ZNF469: variants seen among roughly 807,000 people sequenced by gnomAD.
ZNF469 encodes the protein zinc finger protein 469.
ZNF469 carries 1 observed loss-of-function variant against 1.0 expected under a neutral mutation model. That is an observed-to-expected ratio of 1.00 (90% CI 0.35 to 4.73). The LOEUF (loss-of-function observed/expected upper bound fraction) is 4.73, where lower values mean the gene tolerates loss of function less well. Among genes scored for constraint, ZNF469 ranks in the 30% most tolerant of loss-of-function variants. The pLI, the probability that ZNF469 is intolerant of heterozygous loss-of-function variation, is 0.16. For missense variants in ZNF469, 6,100 were observed against 5,356.3 expected, an observed-to-expected ratio of 1.14 and a Z score of -4.33; for synonymous variants, 2,703 against 2,363.4, an observed-to-expected ratio of 1.14 and a Z score of -4.17.
the ZNF469 span, among the ~76,000 whole-genome samples, chr16:88,157,294 G>A: frequency 0.22 from 33,991 of 152,020 alleles, 4,348 homozygotes; most frequent in East Asian, 0.48. Context: ...TGGACTCAGT[G>A]GAGCCCCACA....
At chr16:88,165,887 T>C in the ZNF469 span, among the ~76,000 whole-genome samples, 80 of 152,350 alleles carry the variant, frequency 5.3e-4, no homozygotes, top group African/African-American at 1.8e-3. Context: ...TTTTGGTGCC[T>C]GGCTTATTTC....
At chr16:88,296,203 T>C in the ZNF469 span, among the ~76,000 whole-genome samples, 1,089 of 152,218 alleles carry the variant, frequency 7.2e-3, 80 homozygotes, top group East Asian at 0.17. Context: ...GGGGCTTCTG[T>C]GTCCAGACTC....
At chr16:88,119,639 A>C in the ZNF469 span, among the ~76,000 whole-genome samples, 1 of 152,182 alleles carries the variant, frequency 6.6e-6, no homozygotes, top group Non-Finnish European at 1.5e-5. Flanking sequence ...CAGGTGCCGG[A>C]AGCTTTTCCC....
At chr16:88,343,199 C>T in the ZNF469 span, among the ~76,000 whole-genome samples, 1 of 152,228 alleles carries the variant, frequency 6.6e-6, no homozygotes, top group Admixed American at 6.5e-5. Flanking sequence ...ACTTGCTCTC[C>T]TGGACCTCCG....
At chr16:88,421,512 G>C (rs1905456183) in intron 1 of ZNF469, among the ~76,000 whole-genome samples, 1 of 152,194 alleles carries the variant, frequency 6.6e-6, no homozygotes, top group Admixed American at 6.5e-5. Flanking sequence ...CAAGGACTGG[G>C]ACGCGTCCCC....
At chr16:88,286,610 T>G in the ZNF469 span, among the ~76,000 whole-genome samples, 1 of 152,236 alleles carries the variant, frequency 6.6e-6, no homozygotes, top group African/African-American at 2.4e-5. Context: ...GGAGGGAATG[T>G]GGAGGACAGG....
the ZNF469 span, among the ~76,000 whole-genome samples, chr16:88,169,916 TG>T: frequency 1.3e-5 from 2 of 152,184 alleles, no homozygotes; most frequent in Non-Finnish European, 2.9e-5. This position sits in a 1 kb window ranked among gnomAD's most constrained non-coding sequence, Gnocchi z 6.1. Context: ...GGCACCTGGC[TG>T]GGGTTTCGAG....
At chr16:88,218,765 C>G in the ZNF469 span, among the ~76,000 whole-genome samples, 2 of 151,932 alleles carry the variant, frequency 1.3e-5, no homozygotes, top group Admixed American at 1.3e-4. Flanking sequence ...AAGTTCTGGC[C>G]AGGGCAATTA....
At chr16:88,103,843 C>A in the ZNF469 span, among the ~76,000 whole-genome samples, 1 of 144,382 alleles carries the variant, frequency 6.9e-6, no homozygotes, top group East Asian at 2.1e-4. Context: ...AATAATCCTC[C>A]GTGGCACGGA....
In ZNF469 at chr16:88,437,773, C is replaced by T. The variant is rs754267225; in HGVS notation, c.10303C>T (p.Arg3435Cys). ...CTTCGCCAAGAAGGAGCAGTTCGAC[C>T]GCCACATGAACAAGCACCTCAGGGG... is the stretch of plus-strand genomic sequence containing the variant. ...YTFAKKEQFD[R>C]HMNKHLRGGR... The change falls in exon 3 of 3, where the codon CGC (arginine) becomes TGC (cysteine). Residue 3435 changes from arginine to cysteine, a missense_variant. Arg to Cys is a radical substitution (Grantham distance 180). Coordinates refer to ENST00000565624, the MANE Select transcript of ZNF469 (RefSeq NM_001367624.2). The T allele has an allele frequency of 1.3e-6, 2 of 1,549,534 alleles. No individual in the cohort carries two copies. Among genetic ancestry groups the T allele is most frequent in the South Asian group, 1.2e-5 (1 of 84,044 alleles).
intron 1 of ZNF469, among the ~76,000 whole-genome samples, chr16:88,415,917 C>A (rs576367739): frequency 3.2e-4 from 49 of 152,362 alleles, no homozygotes; most frequent in African/African-American, 1.1e-3. Flanking sequence ...GCAGCCCGGC[C>A]CCTCCCAGGA....
the ZNF469 span, among the ~76,000 whole-genome samples, chr16:88,361,266 A>T: frequency 2.0e-5 from 3 of 152,210 alleles, no homozygotes; most frequent in African/African-American, 4.8e-5. Flanking sequence ...GGACGTAAAT[A>T]CAGATGAAGC....
the ZNF469 span, among the ~76,000 whole-genome samples, chr16:88,144,466 C>G: frequency 6.6e-5 from 10 of 152,190 alleles, no homozygotes; most frequent in African/African-American, 2.4e-4. Flanking sequence ...CGGAGGACAT[C>G]ACGTCCCTCC....
the ZNF469 span, among the ~76,000 whole-genome samples, chr16:88,209,227 T>C: frequency 3.3e-5 from 5 of 152,172 alleles, no homozygotes; most frequent in African/African-American, 1.2e-4. Flanking sequence ...CCTCACCTCC[T>C]GTGACATACA....
At chr16:88,369,494 T>C in the ZNF469 span, among the ~76,000 whole-genome samples, 1 of 152,214 alleles carries the variant, frequency 6.6e-6, no homozygotes, top group Admixed American at 6.5e-5. Context: ...AATATGGGAA[T>C]TGAAGTCGGA....
chr16:88,391,280 G>A (rs1008070765), intron 1 of ZNF469, among the ~76,000 whole-genome samples: 10 of 152,346 alleles, frequency 6.6e-5, no homozygotes, highest in East Asian at 3.9e-4. Context: ...GGAAAGAGCC[G>A]GGCAGCACAC....
chr16:88,322,561 C>T, the ZNF469 span, among the ~76,000 whole-genome samples: 18 of 152,222 alleles, frequency 1.2e-4, no homozygotes, highest in Non-Finnish European at 1.8e-4. Flanking sequence ...ACGGCAAGTC[C>T]GGTGATGCTG....
chr16:88,402,867 C>T (rs547710339), intron 1 of ZNF469, among the ~76,000 whole-genome samples: 3 of 152,288 alleles, frequency 2.0e-5, no homozygotes, highest in South Asian at 4.1e-4. Flanking sequence ...GCGGTTGGCC[C>T]AGGGTCACTC....
At chr16:88,425,661 T>C (rs1017859168) in intron 2 of ZNF469, among the ~76,000 whole-genome samples, 3 of 152,154 alleles carry the variant, frequency 2.0e-5, no homozygotes, top group African/African-American at 7.2e-5. Flanking sequence ...TTCAGGAAAG[T>C]GCTCAGACGC....
Sources: allele counts gnomAD v4.1 joint callset (sites outside exome capture counted in the v4.1 genomes callset), GRCh38; gene constraint gnomAD v4.1.1; non-coding constraint Gnocchi (gnomAD v3.1); transcripts MANE v1.5; gene names NCBI Gene and HGNC (gene_info 2026-07-23, HGNC 2026-07-21).